EPHA6: variants seen among roughly 807,000 people sequenced by gnomAD.
EPHA6 encodes EPH receptor A6.
Under a neutral mutation model 112.0 loss-of-function variants are expected in EPHA6, and 50 were observed. The ratio of observed to expected loss-of-function variants is 0.45; its 90% CI spans 0.36 to 0.56. The LOEUF (loss-of-function observed/expected upper bound fraction) is 0.56, where lower values mean the gene tolerates loss of function less well. Among genes scored for constraint, EPHA6 ranks in the 20% least tolerant of loss-of-function variants. The probability of loss-of-function intolerance (pLI) is 0.00; values close to 1 mark genes in which losing one functional copy is unlikely to be tolerated. For synonymous variants in EPHA6, 529 were observed against 490.7 expected (o/e 1.08, Z -1.03); for missense variants, 1,280 against 1,417.4 (o/e 0.90, Z 1.56).
At chr3:97,073,108 T>G (rs1559709866) in intron 3 of EPHA6, among the ~76,000 whole-genome samples, 1 of 152,070 alleles carries the variant, frequency 6.6e-6, no homozygotes, top group South Asian at 2.1e-4. Flanking sequence ...TGCTTTCTCC[T>G]TTACCTGTGG....
At chr3:97,421,281 C>T (rs1441404465) in intron 6 of EPHA6, among the ~76,000 whole-genome samples, 2 of 151,994 alleles carry the variant, frequency 1.3e-5, no homozygotes, top group Non-Finnish European at 2.9e-5. Flanking sequence ...AAAAATTTTT[C>T]CCGAATGTAC....
intron 5 of EPHA6, among the ~76,000 whole-genome samples, chr3:97,328,762 A>C (rs1049993371): frequency 2.6e-5 from 4 of 151,678 alleles, no homozygotes; most frequent in Non-Finnish European, 5.9e-5. Context: ...AAGTCAAAGA[A>C]CTCATTGCTG....
chr3:96,917,677 G>T (rs899697783), intron 2 of EPHA6, among the ~76,000 whole-genome samples: 12 of 151,502 alleles, frequency 7.9e-5, no homozygotes, highest in Non-Finnish European at 1.5e-4. Context: ...CAGAGACTTG[G>T]ACCCCTAAAA....
intron 14 of EPHA6, among the ~76,000 whole-genome samples, chr3:97,665,987 G>A (rs1208767383): frequency 6.6e-6 from 1 of 151,924 alleles, no homozygotes; most frequent in Non-Finnish European, 1.5e-5. Flanking sequence ...AACCAGGGAG[G>A]CGGAGGTTGC....
At chr3:97,275,223 A>G (rs2080029659) in intron 5 of EPHA6, among the ~76,000 whole-genome samples, 1 of 152,136 alleles carries the variant, frequency 6.6e-6, no homozygotes, top group African/African-American at 2.4e-5. Context: ...GAGGTTTGGG[A>G]GATTAGTCAG....
intron 2 of EPHA6, among the ~76,000 whole-genome samples, chr3:96,927,583 T>C (rs2040104896): frequency 6.6e-6 from 1 of 152,206 alleles, no homozygotes; most frequent in African/African-American, 2.4e-5. Context: ...TGCTAAAGCA[T>C]AGTAAGAGTG....
chr3:96,873,148 C>T (rs565189202), intron 2 of EPHA6, among the ~76,000 whole-genome samples: 2 of 152,062 alleles, frequency 1.3e-5, no homozygotes, highest in African/African-American at 4.8e-5. Context: ...ACCTGTAATC[C>T]TAGCTACTCA....
chr3:97,587,051 T>A (rs1217492908), intron 11 of EPHA6, among the ~76,000 whole-genome samples: 1 of 152,126 alleles, frequency 6.6e-6, no homozygotes, highest in African/African-American at 2.4e-5. Context: ...GAGACCAGCC[T>A]GGCCAACATA....
At chr3:97,375,898 G>A (rs1332262357) in intron 5 of EPHA6, among the ~76,000 whole-genome samples, 8 of 152,046 alleles carry the variant, frequency 5.3e-5, no homozygotes, top group Non-Finnish European at 1.2e-4. Context: ...GTGAAAGAAA[G>A]CATGTATGGG....
intron 5 of EPHA6, among the ~76,000 whole-genome samples, chr3:97,346,610 C>T (rs932507947): frequency 6.6e-6 from 1 of 151,890 alleles, no homozygotes; most frequent in African/African-American, 2.4e-5. Flanking sequence ...GGAACGTTTA[C>T]AGGACATACT....
chr3:97,596,875 A>AAAATATATATATAT (rs570033415), intron 12 of EPHA6, among the ~76,000 whole-genome samples: 35 of 100,404 alleles, frequency 3.5e-4, no homozygotes, highest in African/African-American at 1.7e-3. Context: ...ATATCTATGG[A>AAAATATATATATAT]ATATATATAT....
At chr3:97,419,285 A>G (rs1430264565) in intron 6 of EPHA6, among the ~76,000 whole-genome samples, 1 of 151,624 alleles carries the variant, frequency 6.6e-6, no homozygotes, top group East Asian at 2.0e-4. Flanking sequence ...CCTGGGCAAC[A>G]AGAGCAAAAC....
chr3:97,403,317 T>C (rs1052395239), intron 5 of EPHA6, among the ~76,000 whole-genome samples: 4 of 152,196 alleles, frequency 2.6e-5, no homozygotes, highest in African/African-American at 9.6e-5. Context: ...TAATATCCCA[T>C]TGATATTTGT....
chr3:97,566,897 A>G (rs988908806), intron 11 of EPHA6, among the ~76,000 whole-genome samples: 2 of 152,108 alleles, frequency 1.3e-5, no homozygotes, highest in African/African-American at 4.8e-5. Flanking sequence ...CTAGAATTGA[A>G]CCTTATTGGC....
At chr3:97,554,966 C>T (rs1490987734) in intron 11 of EPHA6, among the ~76,000 whole-genome samples, 1 of 151,592 alleles carries the variant, frequency 6.6e-6, no homozygotes, top group East Asian at 1.9e-4. Flanking sequence ...TTTTAGGTTA[C>T]ATGTGTACAA....
At chr3:96,940,499 C>T (rs926427170) in intron 2 of EPHA6, among the ~76,000 whole-genome samples, 18 of 152,026 alleles carry the variant, frequency 1.2e-4, no homozygotes, top group African/African-American at 2.9e-4. Flanking sequence ...TTTCTCTGCA[C>T]GTGAGATGGG....
At chr3:97,282,478 G>A (rs1166083328) in intron 5 of EPHA6, among the ~76,000 whole-genome samples, 5 of 152,056 alleles carry the variant, frequency 3.3e-5, no homozygotes, top group East Asian at 3.8e-4. Context: ...CAGCAATCCC[G>A]TTACTGGGTA....
chr3:97,646,369 G>A, intron 14 of EPHA6: 3 of 1,163,082 alleles, frequency 2.6e-6, no homozygotes, highest in African/African-American at 1.6e-5. Context: ...AGACAGTATT[G>A]TCCACATTTC....
intron 6 of EPHA6, among the ~76,000 whole-genome samples, chr3:97,408,181 G>A (rs1231464104): frequency 6.6e-6 from 1 of 152,076 alleles, no homozygotes; most frequent in East Asian, 1.9e-4. Flanking sequence ...TCCCACCCAA[G>A]AGGGTGTAGC....
Sources: gnomAD v4.1 joint callset for allele counts (sites outside exome capture counted in the v4.1 genomes callset) on GRCh38, gnomAD v4.1.1 for gene constraint, MANE v1.5 for transcripts, NCBI Gene and HGNC (gene_info 2026-07-23, HGNC 2026-07-21) for gene names.